Variants in DCDC2 observed in about 807,000 individuals in gnomAD.
The protein encoded by DCDC2 is doublecortin domain-containing protein 2.
DCDC2 carries 40 observed loss-of-function variants against 50.2 expected under a neutral mutation model. The observed-to-expected ratio is 0.80, with a 90% confidence interval of 0.62 to 1.04. The LOEUF (loss-of-function observed/expected upper bound fraction) is 1.04. DCDC2 is among the 50% of genes least tolerant of loss of function. DCDC2 has a pLI of 0.00. For missense variants in DCDC2, 570 were observed against 581.9 expected (o/e 0.98, Z 0.21); for synonymous variants, 234 against 210.6 (o/e 1.11, Z -0.96).
intron 2 of DCDC2, among the ~76,000 whole-genome samples, chr6:24,318,802 T>TGTGTGTGTGTGTG (rs1759720796): frequency 2.0e-5 from 3 of 151,992 alleles, no homozygotes; most frequent in South Asian, 2.1e-4. Flanking sequence ...TGTGTGTGTA[T>TGTGTGTGTGTGTG]TATATCACAT....
chr6:24,375,686 C>T, the DCDC2 span, among the ~76,000 whole-genome samples: 38 of 152,258 alleles, frequency 2.5e-4, no homozygotes, highest in African/African-American at 9.1e-4. Context: ...AGGTGCTGGT[C>T]ATAGCACTCA....
At chr6:24,362,310 A>ATGTTGATACAATTATTTTTTATTTAAT, upstream of DCDC2, among the ~76,000 whole-genome samples, 1 of 144,732 alleles carries the variant, frequency 6.9e-6, no homozygotes, top group East Asian at 2.0e-4. Flanking sequence ...ATTTAATTGT[A>ATGTTGATACAATTATTTTTTATTTAAT]TGTTGATACA....
chr6:24,177,291 CA>C (rs1171010382), intron 9 of DCDC2, among the ~76,000 whole-genome samples: 8 of 152,170 alleles, frequency 5.3e-5, no homozygotes, highest in Non-Finnish European at 8.8e-5. Flanking sequence ...ATGTTAAGAA[CA>C]TTTTGAATAA....
intron 8 of DCDC2, among the ~76,000 whole-genome samples, chr6:24,202,424 A>T (rs1761609457): frequency 1.3e-5 from 2 of 152,178 alleles, no homozygotes; most frequent in African/African-American, 4.8e-5. Context: ...CTTTGATAAA[A>T]TTCAACACTC....
rs896288466 is a variant in DCDC2 at position 24,173,030 on chromosome 6, T to C, written c.*1700A>G. 4 of 124,864 alleles carry C rather than the reference T, an allele frequency of 3.2e-5. No individual in the cohort carries two copies. The highest frequency in any genetic ancestry group is 1.1e-4 in the African/African-American group (4 of 36,600). 7.7% of individuals were successfully genotyped at this position (124,864 alleles called of 1,614,324 possible). ...AATAATAATAATAATAAAGATCAAT[T>C]GGTCTATTTGCCTACCAACCCAAGA... On this transcript the variant is annotated 3_prime_UTR_variant, in exon 10 of 10. Coordinates refer to ENST00000378454, the MANE Select transcript of DCDC2 (RefSeq NM_016356.5).
the DCDC2 span, among the ~76,000 whole-genome samples, chr6:24,363,385 C>T: frequency 7.9e-5 from 12 of 152,096 alleles, no homozygotes; most frequent in Non-Finnish European, 1.6e-4. Flanking sequence ...CCTGTAGTCC[C>T]AGCTACTCAG....
At chr6:24,348,208 G>A (rs1422063768) in intron 2 of DCDC2, among the ~76,000 whole-genome samples, 5 of 152,288 alleles carry the variant, frequency 3.3e-5, no homozygotes, top group Middle Eastern at 3.4e-3. Flanking sequence ...TGTAGGGTTT[G>A]GAATCTCATT....
chr6:24,358,687 A>C (rs1277348), upstream of DCDC2, among the ~76,000 whole-genome samples: 51,662 of 111,402 alleles, frequency 0.46, 12,629 homozygotes, highest in Non-Finnish European at 0.55. Context: ...GTCTTAGAAA[A>C]TAAAATATAT....
intron 2 of DCDC2, among the ~76,000 whole-genome samples, chr6:24,327,396 A>G (rs965053659): frequency 2.7e-5 from 4 of 149,528 alleles, no homozygotes; most frequent in African/African-American, 4.8e-5. Flanking sequence ...TCTGCATTTC[A>G]TATATATAAT....
chr6:24,205,166 G>C, intron 7 of DCDC2, 64 bp from the exon 8 acceptor site: 1 of 1,614,050 alleles, frequency 6.2e-7, no homozygotes. Context: ...CTGAATGCTG[G>C]AATTACAATC....
chr6:24,212,063 C>A (rs930291138), intron 7 of DCDC2, among the ~76,000 whole-genome samples: 2 of 152,070 alleles, frequency 1.3e-5, no homozygotes, highest in African/African-American at 4.8e-5. Context: ...ATCAGATCAG[C>A]AGCAGCATTA....
intron 7 of DCDC2, among the ~76,000 whole-genome samples, chr6:24,277,246 C>T (rs1763379464): frequency 7.7e-6 from 1 of 129,428 alleles, no homozygotes; most frequent in African/African-American, 2.6e-5. Flanking sequence ...TTCCTGGAAC[C>T]CCTCACAGTC....
intron 9 of DCDC2, 60 bp downstream of exon 9, chr6:24,178,270 C>T (rs530744307): frequency 3.3e-5 from 49 of 1,494,534 alleles, no homozygotes; most frequent in African/African-American, 4.1e-5. Context: ...TCTGAATGCA[C>T]GCATGTACAC....
intron 7 of DCDC2, among the ~76,000 whole-genome samples, chr6:24,211,618 G>T (rs1761872593): frequency 6.6e-6 from 1 of 152,132 alleles, no homozygotes; most frequent in Non-Finnish European, 1.5e-5. Flanking sequence ...CCCAGAGTGG[G>T]ACTGATACAG....
chr6:24,337,622 C>T (rs1334752189), intron 2 of DCDC2, among the ~76,000 whole-genome samples: 1 of 151,830 alleles, frequency 6.6e-6, no homozygotes, highest in African/African-American at 2.4e-5. Context: ...GGTGAAACCC[C>T]ATCTCTACCA....
chr6:24,271,207 C>CAAAAAAAAAAAA lies in DCDC2; in HGVS notation c.922+6830_922+6841dup, dbSNP rs543819229. On this transcript the variant is annotated intron_variant, in intron 7 of 9. Transcript: ENST00000378454. The stretch of plus-strand genomic sequence containing the variant: ...TGGGTGACAGAGTGAGACACTCCCT[C>CAAAAAAAAAAAA]AAAAAAAAAAAAAAAAAAGAGAGAG... Among the ~76,000 whole-genome samples, 327 of 39,322 alleles carry CAAAAAAAAAAAA rather than the reference C, an allele frequency of 8.3e-3. 62 individuals are homozygous for CAAAAAAAAAAAA. The highest frequency in any genetic ancestry group is 0.067 in the Middle Eastern group (2 of 30). The allele number at this position is 39,322 out of a possible 152,430, so 25.8% of individuals were successfully genotyped here.
chr6:24,187,540 C>T (rs143570520), intron 8 of DCDC2, among the ~76,000 whole-genome samples: 1 of 152,222 alleles, frequency 6.6e-6, no homozygotes, highest in East Asian at 1.9e-4. Flanking sequence ...AAATAGTGAA[C>T]ATAAATTGCT....
rs1284825596 is a variant in DCDC2, at chr6:24,185,682, TACACATACAC to T, written c.1024-7060_1024-7051del. Among the ~76,000 whole-genome samples, 3 of 74,262 alleles carry T rather than the reference TACACATACAC, an allele frequency of 4.0e-5. No homozygotes were observed. In the South Asian group the frequency reaches 1.4e-3, roughly 35 times the overall value. 48.7% of individuals were successfully genotyped at this position (74,262 alleles called of 152,430 possible). A position where few individuals can be genotyped will look rare whatever the true frequency, so the allele number is the denominator to read the frequency against. ...GAACACCGGGTTTTACACCCATCCA[TACACATACAC>T]ACACACACACACACACACACACACA... On this transcript the variant is annotated intron_variant, in intron 8 of 9. Transcript: ENST00000378454.
intron 4 of DCDC2, 23 bp downstream of exon 4, chr6:24,301,692 C>T: frequency 6.2e-7 from 1 of 1,611,318 alleles, no homozygotes; most frequent in Non-Finnish European, 8.5e-7. Context: ...AACTCCTCCA[C>T]TTACAAGATT....
Sources: allele counts gnomAD v4.1 joint callset (sites outside exome capture counted in the v4.1 genomes callset), GRCh38; gene constraint gnomAD v4.1.1; transcripts MANE v1.5; gene names NCBI Gene and HGNC (gene_info 2026-07-23, HGNC 2026-07-21).